PPARGC1B: variants seen among roughly 807,000 people sequenced by gnomAD.
The protein encoded by PPARGC1B is PPARG coactivator 1 beta.
PPARGC1B carries 34 observed loss-of-function variants against 101.6 expected under a neutral mutation model. That is an observed-to-expected ratio of 0.33 (90% CI 0.25 to 0.45). PPARGC1B has a LOEUF of 0.45. Ranked by LOEUF, PPARGC1B falls within the 20% of genes least tolerant of loss-of-function variation. The pLI is 1.00. For missense variants in PPARGC1B, 1,234 were observed against 1,317.6 expected, an observed-to-expected ratio of 0.94 and a Z score of 0.98; for synonymous variants, 548 against 539.3, an observed-to-expected ratio of 1.02 and a Z score of -0.22.
rs754859721 is a variant in PPARGC1B, at chr5:149,845,872, G to A, written c.2929G>A (p.Gly977Arg). 1.9e-5 allele frequency: 31 copies of A among 1,614,118 alleles called. No individual in the cohort carries two copies. The East Asian group carries it at 3.1e-4, about 16-fold the overall frequency. Reference sequence around the variant, plus strand: ...CGAGCCCTCCTTCCAGCTGAGCTACGGAGGGCTCCGGCACTTCTGCTGGCC... The same window carrying A: ...CGAGCCCTCCTTCCAGCTGAGCTACAGAGGGCTCCGGCACTTCTGCTGGCC... ...RNEPSFQLSY[G>R]GLRHFCWPRY... Residue 977 changes from glycine (G) to arginine (R), a missense_variant, in exon 11 of 12, where the codon GGA becomes AGA. Physicochemically the swap from Gly to Arg is moderately radical, Grantham distance 125 (BLOSUM62 -2). Coordinates refer to ENST00000309241, the MANE Select transcript of PPARGC1B (RefSeq NM_133263.4).
Position 149,826,377 on chromosome 5 carries a change from G to A in PPARGC1B, c.253-296G>A, listed in dbSNP as rs2003604. On this transcript the variant is annotated intron_variant, in intron 2 of 11. Coordinates refer to ENST00000309241, the MANE Select transcript of PPARGC1B (RefSeq NM_133263.4). ...GGTGGACAGCCCTGTGCCCAGGTAT[G>A]TGATAAGCAGCAGAGCCCAGAGTGG... 0.043 allele frequency among the ~76,000 whole-genome samples: 6,537 copies of A among 152,182 alleles called. 188 individuals are homozygous for A. Among genetic ancestry groups the A allele is most frequent in the East Asian group, 0.15 (752 of 5,170 alleles).
At chr5:149,792,077 G>C (rs1440121028) in intron 1 of PPARGC1B, among the ~76,000 whole-genome samples, 1 of 152,150 alleles carries the variant, frequency 6.6e-6, no homozygotes, top group Non-Finnish European at 1.5e-5. Flanking sequence ...AGAGAACAGA[G>C]TGGCCTGGGA....
intron 8 of PPARGC1B, among the ~76,000 whole-genome samples, chr5:149,838,873 C>T (rs758743515): frequency 2.6e-5 from 4 of 152,224 alleles, no homozygotes; most frequent in Non-Finnish European, 5.9e-5. Flanking sequence ...CACTCAGCAA[C>T]AGAAAGCACG....
rs1364064490 is a variant in PPARGC1B, at chr5:149,851,792, T to G, written c.*4234T>G. ...CTGCAGAGTTGGAAACCCACATGCA[T>G]GGATGTGTCCTTGGCCCAGAACCAC... On this transcript the variant is annotated 3_prime_UTR_variant, in exon 12 of 12. Transcript: ENST00000309241. 6.6e-6 allele frequency: 1 copy of G among 152,240 alleles called. No individual in the cohort carries two copies. The highest frequency in any genetic ancestry group is 1.5e-5 in the Non-Finnish European group (1 of 68,070). The allele number at this position is 152,240 out of a possible 1,614,324, so 9.4% of individuals were successfully genotyped here.
chr5:149,814,392 G>C (rs1757975712), intron 1 of PPARGC1B, among the ~76,000 whole-genome samples: 1 of 152,120 alleles, frequency 6.6e-6, no homozygotes, highest in African/African-American at 2.4e-5. Flanking sequence ...TCAGAAATTT[G>C]ATAAGTACAG....
At chr5:149,824,084 G>C (rs1043442889) in intron 2 of PPARGC1B, among the ~76,000 whole-genome samples, 4 of 152,214 alleles carry the variant, frequency 2.6e-5, no homozygotes, top group Non-Finnish European at 5.9e-5. Flanking sequence ...CTGCATCAGG[G>C]AAAATGCTGG....
Position 149,847,501 on chromosome 5 carries a change from G to A in PPARGC1B, c.3015G>A (p.Lys1005=), listed in dbSNP as rs576854546. The A allele has an allele frequency of 6.2e-6, 10 of 1,614,160 alleles. No individual in the cohort carries two copies. The highest frequency in any genetic ancestry group is 2.7e-5 in the African/African-American group (2 of 75,018). Residue 1005 remains lysine (K), a synonymous_variant, in exon 12 of 12, where the codon AAG becomes AAA. Transcript: ENST00000309241. ...CCCTTCCTGCGTCAGGGAAAAGCAA[G>A]TATGAAGCCATGGATTTTGACAGCT... The part of the protein sequence containing the change: ...EEALPASGKS[K]YEAMDFDSLL...
intron 11 of PPARGC1B, 28 bp downstream of exon 11, chr5:149,845,942 T>C (rs757633028): frequency 3.7e-6 from 6 of 1,613,978 alleles, no homozygotes; most frequent in African/African-American, 1.3e-5. Flanking sequence ...AGCCACAGTC[T>C]AGTAAGACTC....
intron 10 of PPARGC1B, among the ~76,000 whole-genome samples, chr5:149,844,151 G>A (rs939026484): frequency 2.0e-5 from 3 of 152,124 alleles, no homozygotes; most frequent in African/African-American, 7.2e-5. Context: ...AAGTGTTTTT[G>A]CCAATTTTTT....
At chr5:149,738,219 G>A (rs1174732235) in intron 1 of PPARGC1B, among the ~76,000 whole-genome samples, 1 of 151,008 alleles carries the variant, frequency 6.6e-6, no homozygotes, top group African/African-American at 2.4e-5. Flanking sequence ...ATAGATCAGT[G>A]CCTGGAATAT....
intron 1 of PPARGC1B, among the ~76,000 whole-genome samples, chr5:149,737,147 T>C (rs1474733679): frequency 6.6e-6 from 1 of 152,236 alleles, no homozygotes; most frequent in African/African-American, 2.4e-5. Flanking sequence ...TGTCATATAG[T>C]TGGAATCACG....
chr5:149,784,568 T>TTC (rs1216393094), intron 1 of PPARGC1B, among the ~76,000 whole-genome samples: 2 of 136,198 alleles, frequency 1.5e-5, no homozygotes, highest in African/African-American at 2.9e-5. Context: ...TTCTTTTTTT[T>TTC]TTTTTTTTTT....
At chr5:149,778,010 C>T (rs1399420260) in intron 1 of PPARGC1B, among the ~76,000 whole-genome samples, 2 of 121,154 alleles carry the variant, frequency 1.7e-5, no homozygotes, top group Admixed American at 8.3e-5. Flanking sequence ...CCTTCCCCCC[C>T]CCACAGACAC....
intron 1 of PPARGC1B, among the ~76,000 whole-genome samples, chr5:149,790,530 TC>T (rs1756979986): frequency 6.6e-6 from 1 of 152,146 alleles, no homozygotes; most frequent in African/African-American, 2.4e-5. Flanking sequence ...AGCCTGCACT[TC>T]CTGGAGGCCT....
intron 2 of PPARGC1B, 116 bp downstream of exon 2, chr5:149,820,722 A>G: frequency 1.9e-6 from 2 of 1,064,980 alleles, no homozygotes; most frequent in Non-Finnish European, 2.7e-6. Context: ...AAATCCCCTC[A>G]CCCACCAAAG....
At chr5:149,806,990 T>G (rs1757625953) in intron 1 of PPARGC1B, among the ~76,000 whole-genome samples, 1 of 151,610 alleles carries the variant, frequency 6.6e-6, no homozygotes, top group Non-Finnish European at 1.5e-5. Context: ...AGGGTCTTGC[T>G]CTGTCATCTA....
intron 1 of PPARGC1B, among the ~76,000 whole-genome samples, chr5:149,757,169 G>A (rs1755560835): frequency 6.6e-6 from 1 of 152,228 alleles, no homozygotes; most frequent in Admixed American, 6.5e-5. Context: ...TGGTATTCAT[G>A]CTGAAGCTGG....
chr5:149,779,551 TAGAG>T (rs573735997), intron 1 of PPARGC1B, among the ~76,000 whole-genome samples: 1 of 152,004 alleles, frequency 6.6e-6, no homozygotes, highest in African/African-American at 2.4e-5. Flanking sequence ...TGGAGCTCTC[TAGAG>T]AGAGAGAAAC....
chr5:149,843,472 A>G (rs774152551), intron 10 of PPARGC1B, among the ~76,000 whole-genome samples: 19 of 152,348 alleles, frequency 1.2e-4, no homozygotes, highest in Non-Finnish European at 2.5e-4. Context: ...TAGGATGGCC[A>G]CTATCAAAAA....
Sources: allele counts gnomAD v4.1 joint callset (sites outside exome capture counted in the v4.1 genomes callset), GRCh38; gene constraint gnomAD v4.1.1; transcripts MANE v1.5; gene names NCBI Gene and HGNC (gene_info 2026-07-23, HGNC 2026-07-21).